GABBR2: variants seen among roughly 807,000 people sequenced by gnomAD.
GABBR2 encodes G-protein coupled receptor 51.
A neutral mutation model predicts 105.6 loss-of-function variants in GABBR2; 23 were observed. The observed-to-expected ratio is 0.22, with a 90% CI of 0.16 to 0.31. The LOEUF (loss-of-function observed/expected upper bound fraction) is 0.31. Among genes scored for constraint, GABBR2 ranks in the 10% least tolerant of loss-of-function variants. The pLI, the probability that GABBR2 is intolerant of heterozygous loss-of-function variation, is 1.00. For synonymous variants in GABBR2, 478 were observed against 499.7 expected (o/e 0.96, Z 0.58); for missense variants, 734 against 1,245.5 (o/e 0.59, Z 6.18).
intron 1 of GABBR2, among the ~76,000 whole-genome samples, chr9:98,629,565 C>T (rs943276555): frequency 2.0e-5 from 3 of 152,222 alleles, no homozygotes; most frequent in African/African-American, 2.4e-5. Context: ...TGGTCTGCCA[C>T]GTAGCATTCA....
At chr9:98,581,609 T>C (rs917061709) in intron 1 of GABBR2, among the ~76,000 whole-genome samples, 2 of 151,986 alleles carry the variant, frequency 1.3e-5, no homozygotes, top group African/African-American at 4.8e-5. Context: ...AAGCAACACT[T>C]CTCACCCCCA....
intron 1 of GABBR2, among the ~76,000 whole-genome samples, chr9:98,594,711 G>A (rs1829206389): frequency 6.6e-6 from 1 of 152,232 alleles, no homozygotes; most frequent in African/African-American, 2.4e-5. Flanking sequence ...GCACAGGGCA[G>A]CCCATCCCCA....
At chr9:98,573,769 T>C (rs1436727016) in intron 2 of GABBR2, among the ~76,000 whole-genome samples, 2 of 152,298 alleles carry the variant, frequency 1.3e-5, no homozygotes, top group African/African-American at 2.4e-5. Context: ...TCCTAAGAAG[T>C]CTTTCTGGCT....
At chr9:98,641,445 T>A (rs1035346344) in intron 1 of GABBR2, among the ~76,000 whole-genome samples, 2 of 152,064 alleles carry the variant, frequency 1.3e-5, no homozygotes, top group South Asian at 2.1e-4. Context: ...CAGCCAAAAA[T>A]CTGTGTTTTA....
chr9:98,591,695 A>G (rs1000575413), intron 1 of GABBR2, among the ~76,000 whole-genome samples: 6 of 152,230 alleles, frequency 3.9e-5, no homozygotes, highest in Non-Finnish European at 7.3e-5. Context: ...CATGATATCA[A>G]CAAGACTCGT....
At chr9:98,676,546 A>C (rs1486283715) in intron 1 of GABBR2, among the ~76,000 whole-genome samples, 1 of 152,242 alleles carries the variant, frequency 6.6e-6, no homozygotes, top group Non-Finnish European at 1.5e-5. Flanking sequence ...TACAACTTCT[A>C]GGCCATCTTC....
At chr9:98,376,562 A>G (rs1210395243) in intron 11 of GABBR2, among the ~76,000 whole-genome samples, 1 of 152,176 alleles carries the variant, frequency 6.6e-6, no homozygotes, top group African/African-American at 2.4e-5. Flanking sequence ...CAAGCCCCAG[A>G]GCACTGTGAG....
rs541758614 is a variant in GABBR2 at position 98,570,532 on chromosome 9, A to G, written c.459+7403T>C. On this transcript the variant is annotated intron_variant, in intron 2 of 18. Transcript: ENST00000259455. The stretch of plus-strand genomic sequence containing the variant: ...TGAGGATGTCTAACTCCCTCTTGCT[A>G]GCATCTCTTGGACCTTTCCCATGCT... Among the ~76,000 whole-genome samples, 17 of 152,290 alleles carry G rather than the reference A, an allele frequency of 1.1e-4. No individual in the cohort carries two copies. In the East Asian group the frequency reaches 3.3e-3, roughly 29 times the overall value.
intron 13 of GABBR2, among the ~76,000 whole-genome samples, chr9:98,359,517 G>C (rs964986713): frequency 6.6e-6 from 1 of 152,200 alleles, no homozygotes; most frequent in African/African-American, 2.4e-5. Flanking sequence ...CCCCCAGTAG[G>C]CCTCTAGGGG....
intron 13 of GABBR2, among the ~76,000 whole-genome samples, chr9:98,354,944 T>C (rs1239027977): frequency 6.6e-6 from 1 of 152,218 alleles, no homozygotes; most frequent in Admixed American, 6.5e-5. Flanking sequence ...CCTGCCTTCC[T>C]CACTAAGCTT....
At chr9:98,606,142 A>C (rs1187991450) in intron 1 of GABBR2, among the ~76,000 whole-genome samples, 2 of 152,198 alleles carry the variant, frequency 1.3e-5, no homozygotes, top group Non-Finnish European at 2.9e-5. Flanking sequence ...CATGGTGTAT[A>C]TGTGCCACAT....
At chr9:98,633,710 C>T (rs1325661946) in intron 1 of GABBR2, among the ~76,000 whole-genome samples, 1 of 151,784 alleles carries the variant, frequency 6.6e-6, no homozygotes, top group Non-Finnish European at 1.5e-5. Flanking sequence ...GACCACAATG[C>T]AAGTCGGACC....
chr9:98,510,067 ATC>A (rs1463435856), intron 3 of GABBR2, among the ~76,000 whole-genome samples: 2 of 152,274 alleles, frequency 1.3e-5, no homozygotes, highest in East Asian at 3.8e-4. Flanking sequence ...CTAACAGCTG[ATC>A]TCTCAGCAGA....
chr9:98,477,061 G>A (rs993652629), intron 5 of GABBR2, among the ~76,000 whole-genome samples: 8 of 152,152 alleles, frequency 5.3e-5, no homozygotes. Flanking sequence ...TTTTAACTAG[G>A]CACTGGTATG....
At chr9:98,336,823 C>A (rs200951636) in intron 13 of GABBR2, among the ~76,000 whole-genome samples, 1 of 139,612 alleles carries the variant, frequency 7.2e-6, no homozygotes. Context: ...TTAAAAAAAA[C>A]ATGATCTGAC....
chr9:98,395,740 A>G (rs1459090636), intron 8 of GABBR2, among the ~76,000 whole-genome samples: 1 of 152,050 alleles, frequency 6.6e-6, no homozygotes, highest in Non-Finnish European at 1.5e-5. Context: ...CTGGGAGGAT[A>G]CCAGCGAACA....
intron 3 of GABBR2, among the ~76,000 whole-genome samples, chr9:98,522,601 T>C (rs915785629): frequency 8.5e-5 from 13 of 152,182 alleles, no homozygotes; most frequent in African/African-American, 2.9e-4. Context: ...AGATAACTTG[T>C]CATTCATAGG....
At chr9:98,359,036 C>A (rs1268709211) in intron 13 of GABBR2, among the ~76,000 whole-genome samples, 1 of 152,190 alleles carries the variant, frequency 6.6e-6, no homozygotes, top group Admixed American at 6.5e-5. Flanking sequence ...ATATCTCCTA[C>A]CTCACAGGAT....
At chr9:98,392,976 A>G (rs1324473843) in intron 9 of GABBR2, among the ~76,000 whole-genome samples, 1 of 50,674 alleles carries the variant, frequency 2.0e-5, no homozygotes, top group Non-Finnish European at 4.1e-5. Flanking sequence ...CAACCCACCC[A>G]CCTATCCATC....
Sources: allele counts gnomAD v4.1 joint callset (sites outside exome capture counted in the v4.1 genomes callset), GRCh38; gene constraint gnomAD v4.1.1; transcripts MANE v1.5; gene names NCBI Gene and HGNC (gene_info 2026-07-23, HGNC 2026-07-21).